The following EMID1 variants were observed in gnomAD, a reference collection of about 807,000 sequenced individuals.
The protein encoded by EMID1 is EMI domain-containing protein 1.
Under a neutral mutation model 60.6 loss-of-function variants are expected in EMID1, and 40 were observed. The observed-to-expected ratio is 0.66, with a 90% CI of 0.51 to 0.86. The LOEUF (loss-of-function observed/expected upper bound fraction) is 0.86. EMID1 is among the 40% of genes least tolerant of loss of function. EMID1 has a pLI of 0.00. For synonymous variants in EMID1, 242 were observed against 231.0 expected, an observed-to-expected ratio of 1.05 and a Z score of -0.43; for missense variants, 585 against 597.1, an observed-to-expected ratio of 0.98 and a Z score of 0.21.
chr22:29,210,422 G>T (rs1285624089), intron 1 of EMID1, among the ~76,000 whole-genome samples: 2 of 151,910 alleles, frequency 1.3e-5, no homozygotes, highest in African/African-American at 4.8e-5. Context: ...TTTTAGTAGA[G>T]ATGGGGTTTC....
At chr22:29,247,472 C>T (rs1010715769) in intron 13 of EMID1, among the ~76,000 whole-genome samples, 3 of 152,198 alleles carry the variant, frequency 2.0e-5, no homozygotes, top group Non-Finnish European at 4.4e-5. Context: ...CTACAACACA[C>T]CTCAGCTGTA....
intron 3 of EMID1, among the ~76,000 whole-genome samples, chr22:29,218,667 G>A (rs1291790611): frequency 6.6e-6 from 1 of 152,210 alleles, no homozygotes; most frequent in African/African-American, 2.4e-5. Flanking sequence ...TGGGCGCAAT[G>A]CCAGGGCCAT....
intron 1 of EMID1, among the ~76,000 whole-genome samples, chr22:29,208,271 A>G (rs564776072): frequency 2.0e-5 from 3 of 152,266 alleles, no homozygotes; most frequent in Non-Finnish European, 4.4e-5. Context: ...AGACGCAGAA[A>G]AGAGGCTTTG....
At chr22:29,225,749 G>A (rs566390482) in intron 4 of EMID1, among the ~76,000 whole-genome samples, 11 of 152,354 alleles carry the variant, frequency 7.2e-5, no homozygotes, top group Non-Finnish European at 7.3e-5. Context: ...GCTCTGAGCC[G>A]TGTCCTCAGG....
At chr22:29,253,894 G>C (rs1417117272) in intron 13 of EMID1, 1 of 985,334 alleles carries the variant, frequency 1.0e-6, no homozygotes, top group Admixed American at 6.1e-5. Context: ...TGGGACTGCC[G>C]TTCTGCCCCT....
chr22:29,235,437 A>G (rs1022829938), intron 12 of EMID1, among the ~76,000 whole-genome samples: 2 of 150,816 alleles, frequency 1.3e-5, no homozygotes, highest in African/African-American at 4.9e-5. Context: ...ATATTTAATG[A>G]TATGTATAAT....
At chr22:29,248,842 AAAAT>A (rs2041422879) in intron 13 of EMID1, among the ~76,000 whole-genome samples, 2 of 152,154 alleles carry the variant, frequency 1.3e-5, no homozygotes, top group Non-Finnish European at 2.9e-5. Context: ...CTCTGTCTCA[AAAAT>A]AAATAAGTAA....
intron 12 of EMID1, among the ~76,000 whole-genome samples, chr22:29,236,447 T>G (rs1474928520): frequency 1.3e-5 from 2 of 152,090 alleles, no homozygotes; most frequent in Non-Finnish European, 1.5e-5. Flanking sequence ...TCCTGGCACT[T>G]TGGGAGGTGG....
In EMID1 at chr22:29,232,329, G is replaced by A. The variant is rs201706040; in HGVS notation, c.750G>A (p.Gly250=). 1.2e-5 allele frequency: 19 copies of A among 1,609,622 alleles called. No individual in the cohort carries two copies. Among genetic ancestry groups the A allele is most frequent in the Non-Finnish European group, 1.6e-5 (19 of 1,179,118 alleles). The change falls in exon 8 of 15, where the codon GGG becomes GGA. Residue 250 remains glycine, a synonymous_variant. Coordinates refer to ENST00000334018, the MANE Select transcript of EMID1 (RefSeq NM_133455.4). ...CCCCTGGAGAGAGGGGACCTCCTGGGCCACCAGGGCCTCCTGGCCCCCCTG... is the reference window on the plus strand; with the variant it reads ...CCCCTGGAGAGAGGGGACCTCCTGGACCACCAGGGCCTCCTGGCCCCCCTG... ...VGTPGERGPP[G]PPGPPGPPGP...
chr22:29,245,851 G>A (rs1249947346), intron 13 of EMID1, among the ~76,000 whole-genome samples: 2 of 152,148 alleles, frequency 1.3e-5, no homozygotes, highest in South Asian at 2.1e-4. Context: ...TTGGCAGAGC[G>A]GGAACTGGAG....
At chr22:29,237,129 C>A (rs1409170946) in intron 12 of EMID1, among the ~76,000 whole-genome samples, 1 of 111,432 alleles carries the variant, frequency 9.0e-6, no homozygotes, top group African/African-American at 4.6e-5. Context: ...TTCTTTGTTC[C>A]TATTTTTGTC....
intron 14 of EMID1, among the ~76,000 whole-genome samples, chr22:29,256,956 T>C (rs2041728104): frequency 6.6e-6 from 1 of 152,130 alleles, no homozygotes; most frequent in African/African-American, 2.4e-5. Context: ...CCTCCCCTCT[T>C]ACAGAGAGGG....
intron 8 of EMID1, chr22:29,232,636 G>A (rs1422308445): frequency 1.4e-5 from 7 of 502,588 alleles, no homozygotes; most frequent in Admixed American, 3.7e-5. Flanking sequence ...GTAGGGGAAC[G>A]GCTTCAAACC....
intron 14 of EMID1, 118 bp from the exon 15 acceptor site, chr22:29,258,699 G>C: frequency 6.9e-7 from 1 of 1,438,886 alleles, no homozygotes; most frequent in East Asian, 2.5e-5. Flanking sequence ...CCAGATACCA[G>C]GGTGGATTAT....
chr22:29,250,376 CT>C, intron 13 of EMID1, among the ~76,000 whole-genome samples: 1 of 152,184 alleles, frequency 6.6e-6, no homozygotes, highest in East Asian at 1.9e-4. Context: ...CTTCTCTTGA[CT>C]TTGTCTTTGT....
intron 11 of EMID1, 37 bp downstream of exon 11, chr22:29,234,236 G>T: frequency 6.2e-7 from 1 of 1,609,750 alleles, no homozygotes; most frequent in Admixed American, 1.7e-5. Context: ...GGGAATTCTG[G>T]GGAGTCCTGA....
chr22:29,225,186 C>T lies in EMID1; in HGVS notation c.373C>T (p.Arg125Trp), dbSNP rs766988209. The change falls in exon 4 of 15, where the codon CGG becomes TGG. Residue 125 changes from arginine to tryptophan, a missense_variant. Arg to Trp is a moderately radical substitution (Grantham distance 101, BLOSUM62 -3). Transcript: ENST00000334018. ...CATGTGGTCGGGCAGTACCATGCGG[C>T]GGATGGCGCTTCGGCCCACAGCCTT... is the stretch of plus-strand genomic sequence containing the variant. ...EPMWSGSTMR[R>W]MALRPTAFSG... 5 of 1,613,890 alleles carry T rather than the reference C, an allele frequency of 3.1e-6. No individual in the cohort carries two copies. The highest frequency in any genetic ancestry group is 3.3e-5 in the Admixed American group (2 of 60,018).
intron 14 of EMID1, among the ~76,000 whole-genome samples, chr22:29,257,779 G>A (rs1031410879): frequency 8.5e-5 from 13 of 152,180 alleles, no homozygotes; most frequent in Non-Finnish European, 1.2e-4. Context: ...TCCAGATGAC[G>A]CTCAGAGGTT....
chr22:29,226,536 G>T lies in EMID1; in HGVS notation c.450G>T (p.Lys150Asn), dbSNP rs139650390. 6.2e-7 allele frequency: 1 copy of T among 1,612,116 alleles called. No homozygotes were observed. The highest frequency in any genetic ancestry group is 1.7e-5 in the Admixed American group (1 of 59,854). The part of the protein sequence containing the change: ...SKVSELTERL[K>N]VLEAKMTMLT... ...TGTCAGAGCTGACAGAGCGGCTGAA[G>T]GTGCTGGAGGCCAAGGTGGGTGAGC... The change falls in exon 5 of 15, where the codon AAG (lysine) becomes AAT (asparagine). Residue 150 changes from lysine to asparagine, a missense_variant. Physicochemically the swap from Lys to Asn is moderately conservative, Grantham distance 94 (BLOSUM62 0). Coordinates refer to ENST00000334018, the MANE Select transcript of EMID1 (RefSeq NM_133455.4).
Sources: gnomAD v4.1 joint callset for allele counts (sites outside exome capture counted in the v4.1 genomes callset) on GRCh38, gnomAD v4.1.1 for gene constraint, MANE v1.5 for transcripts, NCBI Gene and HGNC (gene_info 2026-07-23, HGNC 2026-07-21) for gene names.